The following BDNF variants were observed in gnomAD, a reference collection of about 807,000 sequenced individuals.
The protein encoded by BDNF is neurotrophic factor BDNF precursor form.
In BDNF, 1 loss-of-function variant was observed where a neutral mutation model predicts 19.5. The observed-to-expected ratio is 0.05, with a 90% CI of 0.02 to 0.24. BDNF has a LOEUF of 0.24. Ranked by LOEUF, BDNF falls within the 10% of genes least tolerant of loss-of-function variation. The pLI, the probability that BDNF is intolerant of heterozygous loss-of-function variation, is 1.00. For synonymous variants in BDNF, 100 were observed against 121.6 expected (o/e 0.82, Z 1.17); for missense variants, 195 against 317.6 (o/e 0.61, Z 2.93).
chr11:27,674,383 G>T, intron 1 of BDNF: 3 of 1,490,940 alleles, frequency 2.0e-6, no homozygotes, highest in Non-Finnish European at 2.7e-6. Context: ...GTAGCTTAAT[G>T]CAGGAGGAAA....
At chr11:27,662,184 A>G (rs1853563454) in intron 1 of BDNF, among the ~76,000 whole-genome samples, 1 of 152,128 alleles carries the variant, frequency 6.6e-6, no homozygotes, top group Non-Finnish European at 1.5e-5. Context: ...TATTTTTAGT[A>G]GAGACAGGGT....
chr11:27,719,918 A>C (rs1252088850), intron 1 of BDNF, among the ~76,000 whole-genome samples: 1 of 151,882 alleles, frequency 6.6e-6, no homozygotes, highest in African/African-American at 2.4e-5. Context: ...TCCCCACCGC[A>C]CACCACCTCC....
At chr11:27,718,354 A>ACCCCCCCCCCCCCCCCCCCCC (rs376255605) in intron 1 of BDNF, among the ~76,000 whole-genome samples, 4 of 101,110 alleles carry the variant, frequency 4.0e-5, no homozygotes, top group Non-Finnish European at 6.1e-5. Flanking sequence ...TCCGCACACC[A>ACCCCCCCCCCCCCCCCCCCCC]CCCCCCCCCG....
At chr11:27,664,280 T>A (rs180789104) in intron 1 of BDNF, among the ~76,000 whole-genome samples, 8 of 152,278 alleles carry the variant, frequency 5.3e-5, no homozygotes, top group Admixed American at 5.2e-4. Context: ...GTTGACTATA[T>A]CCATATGTTA....
chr11:27,661,879 A>C (rs1853499952), intron 1 of BDNF, among the ~76,000 whole-genome samples: 1 of 152,152 alleles, frequency 6.6e-6, no homozygotes, highest in African/African-American at 2.4e-5. Flanking sequence ...CTTATCCTTC[A>C]TGATCCAGTT....
At chr11:27,666,028 G>A (rs1483050690) in intron 1 of BDNF, among the ~76,000 whole-genome samples, 2 of 152,156 alleles carry the variant, frequency 1.3e-5, no homozygotes, top group Non-Finnish European at 2.9e-5. Context: ...AGTAGGGGCC[G>A]ACTGACACCT....
At position 27,719,397 on chromosome 11, in the gene BDNF, C is replaced by T. The variant is rs532960839; in HGVS notation, c.3+2015G>A. ...CTAAAAGTGTTCTTCTCCACCGCCT[C>T]CAGCCGCCCAGGCCCCCTCGCCCGG... is the stretch of plus-strand genomic sequence containing the variant. On this transcript the variant is annotated intron_variant, in intron 1 of 1. Transcript: ENST00000314915. 5 of 939,084 alleles carry T rather than the reference C, an allele frequency of 5.3e-6. No individual in the cohort carries two copies. The Admixed American group carries it at 3.1e-4, about 58-fold the overall frequency. 58.2% of individuals were successfully genotyped at this position (939,084 alleles called of 1,614,324 possible).
At chr11:27,721,091 T>C (rs1860729399) in intron 1 of BDNF, among the ~76,000 whole-genome samples, 1 of 145,286 alleles carries the variant, frequency 6.9e-6, no homozygotes, top group Non-Finnish European at 1.5e-5. Flanking sequence ...CACATATAAA[T>C]CATAGAATAT....
chr11:27,698,351 TG>T (rs1859432611), intron 1 of BDNF, among the ~76,000 whole-genome samples: 1 of 151,544 alleles, frequency 6.6e-6, no homozygotes, highest in Non-Finnish European at 1.5e-5. Context: ...AACTTTGTGG[TG>T]TAATTTCAAC....
chr11:27,662,705 T>C (rs1853657257), intron 1 of BDNF, among the ~76,000 whole-genome samples: 1 of 152,242 alleles, frequency 6.6e-6, no homozygotes, highest in Non-Finnish European at 1.5e-5. Context: ...ACAGGGCTCA[T>C]GCTTCTATGA....
chr11:27,700,187 G>C lies in BDNF; in HGVS notation c.-45C>G, dbSNP rs571631130. On this transcript the variant is annotated 5_prime_UTR_variant, in exon 1 of 2. Transcript: ENST00000356660. ...ACCTCGGGGTCCACACAAACCTCAC[G>C]GGTCCCCGGCGGCGGAGTCACATCG... 2.0e-4 allele frequency: 195 copies of C among 985,714 alleles called. No homozygotes were observed. In the African/African-American group the frequency reaches 2.9e-3, roughly 15 times the overall value. 61.1% of individuals were successfully genotyped at this position (985,714 alleles called of 1,614,324 possible).
intron 1 of BDNF, among the ~76,000 whole-genome samples, chr11:27,663,889 G>T (rs745352386): frequency 6.6e-6 from 1 of 152,116 alleles, no homozygotes; most frequent in Non-Finnish European, 1.5e-5. Context: ...CAACTTTAAG[G>T]CTTGATTACT....
intron 1 of BDNF, chr11:27,699,325 C>G: frequency 6.2e-7 from 1 of 1,606,708 alleles, no homozygotes; most frequent in Non-Finnish European, 8.5e-7. Context: ...TCTTCTTGCC[C>G]GTCAGGCACA....
At chr11:27,720,247 C>G in intron 1 of BDNF, 1 of 855,780 alleles carries the variant, frequency 1.2e-6, no homozygotes, top group Non-Finnish European at 1.4e-6. Context: ...CTCATGCTCT[C>G]CCTCTACCTC....
At chr11:27,699,827 C>G (rs1050501517) in intron 1 of BDNF, among the ~76,000 whole-genome samples, 1 of 152,150 alleles carries the variant, frequency 6.6e-6, no homozygotes, top group Non-Finnish European at 1.5e-5. Context: ...CCCTAAGTCT[C>G]TCTCGACTAC....
At chr11:27,666,818 G>C (rs557767289) in intron 1 of BDNF, among the ~76,000 whole-genome samples, 34 of 152,298 alleles carry the variant, frequency 2.2e-4, no homozygotes, top group African/African-American at 7.9e-4. Context: ...GTGATGGGGA[G>C]AATGGAACCA....
chr11:27,720,389 T>C, intron 1 of BDNF: 1 of 985,838 alleles, frequency 1.0e-6, no homozygotes, highest in Non-Finnish European at 1.2e-6. Context: ...ATCCTGGAGA[T>C]AAACACTTGC....
chr11:27,683,190 G>A (rs1287694259), intron 1 of BDNF, among the ~76,000 whole-genome samples: 1 of 152,106 alleles, frequency 6.6e-6, no homozygotes, highest in Non-Finnish European at 1.5e-5. Context: ...TATGTTTGTT[G>A]GCAGCATAAA....
chr11:27,679,996 C>T (rs896470268), intron 1 of BDNF, among the ~76,000 whole-genome samples: 10 of 152,194 alleles, frequency 6.6e-5, no homozygotes, highest in Non-Finnish European at 1.3e-4. Context: ...ACCCAAATTT[C>T]TGTGGCGAGG....
Sources: allele counts gnomAD v4.1 joint callset (sites outside exome capture counted in the v4.1 genomes callset), GRCh38; gene constraint gnomAD v4.1.1; transcripts MANE v1.5; gene names NCBI Gene and HGNC (gene_info 2026-07-23, HGNC 2026-07-21).